The following PFN2 variants were observed in gnomAD, a reference collection of about 807,000 sequenced individuals.
PFN2 encodes the protein profilin 2.
PFN2 carries 8 observed loss-of-function variants against 15.3 expected under a neutral mutation model. The ratio of observed to expected loss-of-function variants is 0.52; its 90% CI spans 0.31 to 0.95. The LOEUF (loss-of-function observed/expected upper bound fraction) is 0.95, where lower values mean the gene tolerates loss of function less well. Among genes scored for constraint, PFN2 ranks in the 40% least tolerant of loss-of-function variants. The probability of loss-of-function intolerance (pLI) is 0.05; values close to 1 mark genes in which losing one functional copy is unlikely to be tolerated. For synonymous variants in PFN2, 79 were observed against 67.9 expected (o/e 1.16, Z -0.81); for missense variants, 111 against 182.3 (o/e 0.61, Z 2.25).
rs959640251 is a variant in PFN2, at chr3:149,966,338, T to G, written c.*151A>C. The G allele has an allele frequency of 6.3e-6, 10 of 1,597,498 alleles. No homozygotes were observed. In the African/African-American group the frequency reaches 1.2e-4, roughly 19 times the overall value. ...GGGGGAGGGCAGAAAGAAAGACACC[T>G]TTCCCCACCAACAGAGGGATACAAA... On this transcript the variant is annotated 3_prime_UTR_variant, in exon 3 of 3. Transcript: ENST00000239940.
At chr3:149,967,141 A>C (rs1722715080) in intron 2 of PFN2, among the ~76,000 whole-genome samples, 1 of 152,206 alleles carries the variant, frequency 6.6e-6, no homozygotes, top group Non-Finnish European at 1.5e-5. Flanking sequence ...TTGCTTACTG[A>C]TAACTTCACC....
Position 149,970,889 on chromosome 3 carries a change from G to T in PFN2, c.-33C>A. The T allele has an allele frequency of 7.6e-7, 1 of 1,307,624 alleles. No individual in the cohort carries two copies. The highest frequency in any genetic ancestry group is 9.9e-7 in the Non-Finnish European group (1 of 1,011,806). 81.0% of individuals were successfully genotyped at this position (1,307,624 alleles called of 1,614,324 possible). On this transcript the variant is annotated 5_prime_UTR_variant, in exon 1 of 3. Transcript: ENST00000239940. ...CCCTTCGCACTGCAGCGCGGACGGC[G>T]AGGAGCAGCAGGCGCAGCGGCGGCG...
At chr3:149,967,013 T>C (rs1180397647) in intron 2 of PFN2, among the ~76,000 whole-genome samples, 1 of 152,190 alleles carries the variant, frequency 6.6e-6, no homozygotes, top group Non-Finnish European at 1.5e-5. Flanking sequence ...GTTTAAACTA[T>C]TAAGTTTTAC....
At position 149,966,077 on chromosome 3, in the gene PFN2, A is replaced by G; in HGVS notation, c.*412T>C. 1 of 1,531,526 alleles carries G rather than the reference A, an allele frequency of 6.5e-7. No homozygotes were observed. The highest frequency in any genetic ancestry group is 1.4e-5 in the African/African-American group (1 of 72,182). The allele number at this position is 1,531,526 out of a possible 1,614,324, so 94.9% of individuals were successfully genotyped here. ...ATGACATTAGAAAATAGGTAAAGAA[A>G]AATTAGCTACCATCTACAGTTTGGT... On this transcript the variant is annotated 3_prime_UTR_variant, in exon 3 of 3. Coordinates refer to ENST00000239940, the MANE Select transcript of PFN2 (RefSeq NM_053024.4).
At chr3:149,967,712 CA>C (rs1180390072) in intron 2 of PFN2, among the ~76,000 whole-genome samples, 1 of 152,134 alleles carries the variant, frequency 6.6e-6, no homozygotes, top group African/African-American at 2.4e-5. Context: ...TTCTTTAGTG[CA>C]ATTAAGAGTT....
chr3:149,964,994 T>C lies in PFN2; in HGVS notation c.*1495A>G. 1 of 493,748 alleles carries C rather than the reference T, an allele frequency of 2.0e-6. No individual in the cohort carries two copies. Among genetic ancestry groups the C allele is most frequent in the East Asian group, 3.2e-5 (1 of 31,528 alleles). 30.6% of individuals were successfully genotyped at this position (493,748 alleles called of 1,614,324 possible). On this transcript the variant is annotated 3_prime_UTR_variant, in exon 3 of 3. Coordinates refer to ENST00000239940, the MANE Select transcript of PFN2 (RefSeq NM_053024.4). ...TAAATGCATATTAAATCAGATGAGT[T>C]AGACTGTATCCCAGATGTAACAAAG...
intron 1 of PFN2, chr3:149,970,379 GA>G (rs1160460393): frequency 1.2e-5 from 2 of 173,414 alleles, no homozygotes; most frequent in African/African-American, 2.4e-5. Flanking sequence ...GAACCTAGGG[GA>G]ACCGCACTAG....
chr3:149,966,563 C>G lies in PFN2; in HGVS notation c.349G>C (p.Glu117Gln). The G allele has an allele frequency of 6.2e-7, 1 of 1,612,566 alleles. No homozygotes were observed. The stretch of plus-strand genomic sequence containing the variant: ...TTCAATCCGCCTCCATGGACCCCTT[C>G]TTTTCCCATTACAAAGACCAAGACT... ...GRVLVFVMGK[E>Q]GVHGGGLNKK... is the part of the protein sequence containing the mutation. The change falls in exon 3 of 3, where the codon GAA becomes CAA. Residue 117 changes from glutamate to glutamine, a missense_variant. Glu to Gln is a conservative substitution (Grantham distance 29, BLOSUM62 2). Transcript: ENST00000239940.
intron 1 of PFN2, among the ~76,000 whole-genome samples, chr3:149,970,157 G>A (rs149860361): frequency 1.6e-4 from 24 of 152,186 alleles, no homozygotes; most frequent in African/African-American, 5.8e-4. Flanking sequence ...CCTGGACATC[G>A]GTAAACCTAC....
Position 149,966,313 on chromosome 3 carries a change from G to A in PFN2, c.*176C>T, listed in dbSNP as rs190814438. 1,620 of 1,605,748 alleles carry A rather than the reference G, an allele frequency of 1.0e-3. 3 individuals carry two copies. Among genetic ancestry groups the A allele is most frequent in the Middle Eastern group, 3.3e-3 (20 of 6,008 alleles). On this transcript the variant is annotated 3_prime_UTR_variant, in exon 3 of 3. Transcript: ENST00000239940. ...CAAAAGTGAACAGAATTATTTTGGGGGGGGAGGGCAGAAAGAAAGACACCT... is the reference window on the plus strand; with the variant it reads ...CAAAAGTGAACAGAATTATTTTGGGAGGGGAGGGCAGAAAGAAAGACACCT...
rs1030032892 is a variant in PFN2 at position 149,966,104 on chromosome 3, G to A, written c.*385C>T. 6.4e-7 allele frequency: 1 copy of A among 1,569,904 alleles called. No homozygotes were observed. Among genetic ancestry groups the A allele is most frequent in the Non-Finnish European group, 8.6e-7 (1 of 1,160,970 alleles). On this transcript the variant is annotated 3_prime_UTR_variant, in exon 3 of 3. Transcript: ENST00000239940. ...ATTAGCTACCATCTACAGTTTGGTA[G>A]CATTGTGACCATAATTAGGGTTGTT...
At position 149,970,732 on chromosome 3, in the gene PFN2, C is replaced by T. The variant is rs1373609784; in HGVS notation, c.125G>A (p.Ser42Asn). Residue 42 changes from serine (S) to asparagine (N), a missense_variant, in exon 1 of 3, where the codon AGC becomes AAC. Ser to Asn is a conservative substitution (Grantham distance 46). Around this residue, in one of 2 missense-constraint regions of PFN2, gnomAD observed 64 missense variants for 69.7 expected, o/e 0.92. Transcript: ENST00000239940. ...WAATAGGVFQ[S>N]ITPIEIDMIV... ...GCCGCCACTGGTCCTCACCGTAATG[C>T]TCTGAAAGACGCCCCCGGCCGTGGC... 1.3e-6 allele frequency: 2 copies of T among 1,520,374 alleles called. No individual in the cohort carries two copies. Among genetic ancestry groups the T allele is most frequent in the Admixed American group, 2.1e-5 (1 of 48,584 alleles). 94.2% of individuals were successfully genotyped at this position (1,520,374 alleles called of 1,614,324 possible). A position where few individuals can be genotyped will look rare whatever the true frequency, so the allele number is the denominator to read the frequency against.
Position 149,965,295 on chromosome 3 carries a change from T to C in PFN2, c.*1194A>G, listed in dbSNP as rs551211223. The C allele has an allele frequency of 2.1e-5, 33 of 1,535,120 alleles. No individual in the cohort carries two copies. In the African/African-American group the frequency reaches 4.1e-4, roughly 19 times the overall value. On this transcript the variant is annotated 3_prime_UTR_variant, in exon 3 of 3. Transcript: ENST00000239940. Reference sequence around the variant, plus strand: ...TAAAAACTCAAGCTGCAAATAAAAATTGGTCCTATGAAGAACAAACTGGAC... The same window carrying C: ...TAAAAACTCAAGCTGCAAATAAAAACTGGTCCTATGAAGAACAAACTGGAC...
Position 149,966,122 on chromosome 3 carries a change from G to C in PFN2, c.*367C>G. The C allele has an allele frequency of 6.3e-7, 1 of 1,596,848 alleles. No individual in the cohort carries two copies. Among genetic ancestry groups the C allele is most frequent in the Non-Finnish European group, 8.5e-7 (1 of 1,172,988 alleles). On this transcript the variant is annotated 3_prime_UTR_variant, in exon 3 of 3. Coordinates refer to ENST00000239940, the MANE Select transcript of PFN2 (RefSeq NM_053024.4). ...TTTGGTAGCATTGTGACCATAATTA[G>C]GGTTGTTGATGAAGACAGTTGCTAG...
Position 149,966,447 on chromosome 3 carries a change from T to C in PFN2, c.*42A>G. On this transcript the variant is annotated 3_prime_UTR_variant, in exon 3 of 3. Coordinates refer to ENST00000239940, the MANE Select transcript of PFN2 (RefSeq NM_053024.4). ...ACTTAAGCTTATAGCTAGGAAAGTT[T>C]AAGAGCAATTTTCCCCTAATACTTA... is the stretch of plus-strand genomic sequence containing the variant. 1 of 1,605,492 alleles carries C rather than the reference T, an allele frequency of 6.2e-7. No individual in the cohort carries two copies. Among genetic ancestry groups the C allele is most frequent in the South Asian group, 1.1e-5 (1 of 89,088 alleles).
chr3:149,966,641 A>G (rs1051520270), intron 2 of PFN2, 55 bp from the exon 3 acceptor site: 11 of 1,358,058 alleles, frequency 8.1e-6, no homozygotes, highest in African/African-American at 4.3e-5. Context: ...AGAAAGTCAC[A>G]TAAGTTTTAG....
In PFN2 at chr3:149,966,156, G is replaced by A. The variant is rs979717663; in HGVS notation, c.*333C>T. ...ATGAAGACAGTTGCTAGGTAGATGGGGAGAGGCTGCTTACACATCAGACCT... is the reference window on the plus strand; with the variant it reads ...ATGAAGACAGTTGCTAGGTAGATGGAGAGAGGCTGCTTACACATCAGACCT... On this transcript the variant is annotated 3_prime_UTR_variant, in exon 3 of 3. Coordinates refer to ENST00000239940, the MANE Select transcript of PFN2 (RefSeq NM_053024.4). 6.2e-7 allele frequency: 1 copy of A among 1,611,656 alleles called. No individual in the cohort carries two copies. Among genetic ancestry groups the A allele is most frequent in the Non-Finnish European group, 8.5e-7 (1 of 1,178,890 alleles).
chr3:149,968,051 A>G (rs781493095), intron 2 of PFN2: 2 of 260,028 alleles, frequency 7.7e-6, no homozygotes, highest in Non-Finnish European at 1.4e-5. Flanking sequence ...ACAATTTAAC[A>G]ATCTGAAACA....
At chr3:149,968,152 A>C in intron 2 of PFN2, 2 of 469,948 alleles carry the variant, frequency 4.3e-6, no homozygotes, top group Non-Finnish European at 7.5e-6. Context: ...ATTCTATCGT[A>C]GAAACAAAAT....
Sources: allele counts gnomAD v4.1 joint callset (sites outside exome capture counted in the v4.1 genomes callset), GRCh38; gene constraint gnomAD v4.1.1; regional missense constraint gnomAD v4.1.1; transcripts MANE v1.5; gene names NCBI Gene and HGNC (gene_info 2026-07-23, HGNC 2026-07-21).